The following MET variants were observed in gnomAD, a reference collection of about 807,000 sequenced individuals.
MET encodes the protein hepatocyte growth factor receptor.
MET carries 48 observed loss-of-function variants against 133.1 expected under a neutral mutation model. The ratio of observed to expected loss-of-function variants is 0.36; its 90% CI spans 0.29 to 0.46. The LOEUF (loss-of-function observed/expected upper bound fraction) is 0.46, where lower values mean the gene tolerates loss of function less well. Ranked by LOEUF, MET falls within the 20% of genes least tolerant of loss-of-function variation. The probability of loss-of-function intolerance (pLI) is 1.00; values close to 1 mark genes in which losing one functional copy is unlikely to be tolerated. For synonymous variants in MET, 628 were observed against 616.5 expected (o/e 1.02, Z -0.28); for missense variants, 1,442 against 1,695.9 (o/e 0.85, Z 2.63).
intron 10 of MET, 55 bp downstream of exon 10, chr7:116,759,545 A>T (rs766127293): frequency 6.3e-7 from 1 of 1,581,456 alleles, no homozygotes; most frequent in Non-Finnish European, 8.6e-7. Context: ...GCCTCTAACC[A>T]TGTGGCTTTC....
chr7:116,691,369 A>G (rs949417684), intron 1 of MET, among the ~76,000 whole-genome samples: 5 of 152,234 alleles, frequency 3.3e-5, no homozygotes, highest in African/African-American at 1.2e-4. Context: ...TAAAGAGACC[A>G]TCTTTGTCCC....
chr7:116,753,648 G>A (rs188194441), intron 5 of MET, among the ~76,000 whole-genome samples: 6 of 152,208 alleles, frequency 3.9e-5, no homozygotes, highest in African/African-American at 1.2e-4. Context: ...TACCAATGAA[G>A]ATAATTAGGA....
At chr7:116,705,034 C>T (rs1034260218) in intron 2 of MET, among the ~76,000 whole-genome samples, 1 of 151,840 alleles carries the variant, frequency 6.6e-6, no homozygotes, top group African/African-American at 2.4e-5. Context: ...CTACTCAGAG[C>T]CATCAAAGGA....
intron 19 of MET, among the ~76,000 whole-genome samples, chr7:116,786,463 G>A (rs1197609739): frequency 6.6e-6 from 1 of 152,192 alleles, no homozygotes; most frequent in East Asian, 1.9e-4. Context: ...AAAGAGAAAA[G>A]CAGTGAGGTA....
chr7:116,721,440 C>G (rs939414657), intron 2 of MET, among the ~76,000 whole-genome samples: 1 of 152,114 alleles, frequency 6.6e-6, no homozygotes, highest in African/African-American at 2.4e-5. Flanking sequence ...AAAACCAGCT[C>G]CTGGATTCAT....
At chr7:116,790,955 G>A (rs926701098) in intron 19 of MET, among the ~76,000 whole-genome samples, 4 of 152,164 alleles carry the variant, frequency 2.6e-5, no homozygotes, top group African/African-American at 7.2e-5. Context: ...GCACATGCCT[G>A]TAATCCCAAC....
intron 2 of MET, among the ~76,000 whole-genome samples, chr7:116,727,592 A>G (rs938598021): frequency 2.0e-5 from 3 of 152,124 alleles, no homozygotes; most frequent in African/African-American, 7.2e-5. Context: ...GCAGTTCCCC[A>G]AAGCAGCTAC....
intron 17 of MET, 78 bp downstream of exon 17, chr7:116,779,035 T>A (rs2117049499): frequency 6.9e-7 from 1 of 1,450,042 alleles, no homozygotes; most frequent in South Asian, 1.2e-5. Context: ...CTGCTCTGAG[T>A]CTTTAAAAAG....
At chr7:116,781,653 C>G (rs1382422522) in intron 17 of MET, among the ~76,000 whole-genome samples, 1 of 152,114 alleles carries the variant, frequency 6.6e-6, no homozygotes, top group African/African-American at 2.4e-5. Flanking sequence ...CTGCAGTATC[C>G]AACTCCTGGG....
At chr7:116,694,235 A>G (rs139384329) in intron 1 of MET, among the ~76,000 whole-genome samples, 14 of 152,348 alleles carry the variant, frequency 9.2e-5, no homozygotes, top group East Asian at 5.8e-4. Context: ...AATGGGAATG[A>G]TCAAGGAAAT....
chr7:116,765,749 A>G (rs1209876782), intron 11 of MET, among the ~76,000 whole-genome samples: 1 of 152,158 alleles, frequency 6.6e-6, no homozygotes, highest in African/African-American at 2.4e-5. Context: ...TACAGTTGAC[A>G]CTGTACTTTG....
At chr7:116,712,360 A>G (rs1392065314) in intron 2 of MET, among the ~76,000 whole-genome samples, 1 of 151,948 alleles carries the variant, frequency 6.6e-6, no homozygotes, top group Non-Finnish European at 1.5e-5. Context: ...GTCTCTTATC[A>G]CACTCCGTGG....
At chr7:116,726,041 A>G (rs1792738266) in intron 2 of MET, among the ~76,000 whole-genome samples, 1 of 146,494 alleles carries the variant, frequency 6.8e-6, no homozygotes, top group African/African-American at 2.5e-5. Flanking sequence ...TGTCTCTCAA[A>G]AAAGAAACTA....
chr7:116,690,581 A>G (rs1302798523), intron 1 of MET, among the ~76,000 whole-genome samples: 1 of 152,194 alleles, frequency 6.6e-6, no homozygotes, highest in African/African-American at 2.4e-5. Context: ...GACATGGCCT[A>G]TTGTTTTATC....
chr7:116,758,454 T>A lies in MET; in HGVS notation c.2103-5T>A, dbSNP rs2116929761. On this transcript the variant is annotated splice_polypyrimidine_tract_variant and splice_region_variant and intron_variant, in intron 8 of 20. Transcript: ENST00000397752. ...AAATTCACTTCCTTAATTTTTTTTG[T>A]TCAGTGTGTCAAACAGTATTCTTGA... The A allele has an allele frequency of 6.2e-7, 1 of 1,613,368 alleles. No homozygotes were observed. Among genetic ancestry groups the A allele is most frequent in the Non-Finnish European group, 8.5e-7 (1 of 1,179,488 alleles).
chr7:116,715,486 GGA>G (rs1221137453), intron 2 of MET, among the ~76,000 whole-genome samples: 1 of 152,186 alleles, frequency 6.6e-6, no homozygotes, highest in Non-Finnish European at 1.5e-5. Flanking sequence ...ACTAAATCCA[GGA>G]TGATTTCATC....
chr7:116,787,018 T>A (rs1795335423), intron 19 of MET, among the ~76,000 whole-genome samples: 1 of 152,136 alleles, frequency 6.6e-6, no homozygotes, highest in Non-Finnish European at 1.5e-5. Flanking sequence ...TATTAGAGAA[T>A]AAGACGAGGT....
chr7:116,720,346 A>G (rs1413935839), intron 2 of MET, among the ~76,000 whole-genome samples: 2 of 140,890 alleles, frequency 1.4e-5, no homozygotes, highest in Non-Finnish European at 3.1e-5. Context: ...GTATCCTGAG[A>G]CTTTGCTGAA....
intron 17 of MET, among the ~76,000 whole-genome samples, chr7:116,781,369 G>A (rs2117057444): frequency 6.6e-6 from 1 of 152,216 alleles, no homozygotes; most frequent in Non-Finnish European, 1.5e-5. Flanking sequence ...TGTTCTGTTG[G>A]CCTCATCATA....
Sources: allele counts gnomAD v4.1 joint callset (sites outside exome capture counted in the v4.1 genomes callset), GRCh38; gene constraint gnomAD v4.1.1; transcripts MANE v1.5; gene names NCBI Gene and HGNC (gene_info 2026-07-23, HGNC 2026-07-21).